MAP4K4: variants seen among roughly 807,000 people sequenced by gnomAD.
MAP4K4 encodes mitogen-activated protein kinase kinase kinase kinase 4.
MAP4K4 carries 38 observed loss-of-function variants against 189.6 expected under a neutral mutation model. The observed-to-expected ratio is 0.20, with a 90% CI of 0.15 to 0.26. The LOEUF (loss-of-function observed/expected upper bound fraction) is 0.26. Ranked by LOEUF, MAP4K4 falls within the 10% of genes least tolerant of loss-of-function variation. MAP4K4 has a pLI of 1.00. For synonymous variants in MAP4K4, 610 were observed against 624.3 expected (o/e 0.98, Z 0.34); for missense variants, 1,054 against 1,726.9 (o/e 0.61, Z 6.91).
chr2:101,776,771 A>T (rs2084400723), intron 2 of MAP4K4, among the ~76,000 whole-genome samples: 1 of 152,074 alleles, frequency 6.6e-6, no homozygotes, highest in Non-Finnish European at 1.5e-5. Context: ...CAACCGTAAG[A>T]GGACACACAG....
rs773922440 is a variant in MAP4K4, at chr2:101,810,620, T to C, written c.181-13308T>C. ...AGATGTCTTCAGTGAAATTTACCAC[T>C]GAAGGATCTTAGCTCTGAATAGCAA... is the stretch of plus-strand genomic sequence containing the variant. On this transcript the variant is annotated intron_variant, in intron 3 of 32. Coordinates refer to ENST00000324219, the Ensembl canonical transcript of MAP4K4. 9.2e-5 allele frequency among the ~76,000 whole-genome samples: 14 copies of C among 152,312 alleles called. No homozygotes were observed. The South Asian group carries it at 1.7e-3, about 18-fold the overall frequency.
rs765964915 is a variant in MAP4K4 at position 101,887,765 on chromosome 2, T to C, written c.3772-13T>C. 2 of 1,599,214 alleles carry C rather than the reference T, an allele frequency of 1.3e-6. No homozygotes were observed. Among genetic ancestry groups the C allele is most frequent in the Non-Finnish European group, 1.7e-6 (2 of 1,172,444 alleles). On this transcript the variant is annotated splice_polypyrimidine_tract_variant and intron_variant, in intron 30 of 32. Coordinates refer to ENST00000324219, the Ensembl canonical transcript of MAP4K4. ...ACAGACGTTCTTCCCTGTACTTTGT[T>C]CCTGTTCTCTAGATCCAGTGTAGCA...
chr2:101,865,376 TG>T (rs1301887578), intron 18 of MAP4K4, among the ~76,000 whole-genome samples: 1 of 152,178 alleles, frequency 6.6e-6, no homozygotes, highest in Non-Finnish European at 1.5e-5. Context: ...GTAAGGCCTG[TG>T]GCATAAAACA....
At chr2:101,745,865 A>G (rs2065247089) in intron 2 of MAP4K4, among the ~76,000 whole-genome samples, 1 of 147,912 alleles carries the variant, frequency 6.8e-6, no homozygotes. Context: ...CCTTTGAGTG[A>G]GTCTGCTACT....
chr2:101,887,423 T>TG (rs1337596528), intron 30 of MAP4K4, among the ~76,000 whole-genome samples, 186 bp downstream of exon 30: 1 of 152,228 alleles, frequency 6.6e-6, no homozygotes, highest in Non-Finnish European at 1.5e-5. Context: ...TCCGCCTTCC[T>TG]GGCTCTGTGG....
At chr2:101,871,760 A>T in intron 24 of MAP4K4, 75 bp downstream of exon 24, 1 of 1,334,754 alleles carries the variant, frequency 7.5e-7, no homozygotes, top group Non-Finnish European at 1.0e-6. Flanking sequence ...TGCAAAGGAG[A>T]CCTTTCCAAC....
intron 3 of MAP4K4, among the ~76,000 whole-genome samples, chr2:101,802,931 G>A (rs2094505431): frequency 1.3e-5 from 2 of 152,004 alleles, no homozygotes; most frequent in South Asian, 2.1e-4. Flanking sequence ...GATTACAGGC[G>A]TCTGCCACCA....
chr2:101,832,678 C>T (rs1052074851), intron 7 of MAP4K4, among the ~76,000 whole-genome samples: 2 of 152,088 alleles, frequency 1.3e-5, no homozygotes, highest in African/African-American at 4.8e-5. Flanking sequence ...AATTATTATA[C>T]CTAAGTAAAT....
exon 19 of MAP4K4, chr2:101,866,473 G>T (rs759387518): frequency 1.9e-6 from 3 of 1,613,750 alleles, no homozygotes; most frequent in African/African-American, 1.3e-5. Flanking sequence ...AGAAGCTGGT[G>T]CCCAGACCTG....
intron 3 of MAP4K4, among the ~76,000 whole-genome samples, chr2:101,818,553 G>C (rs2095853450): frequency 6.6e-6 from 1 of 152,006 alleles, no homozygotes; most frequent in Non-Finnish European, 1.5e-5. Flanking sequence ...TGATGGAATG[G>C]GAAAAAATTT....
intron 2 of MAP4K4, 77 bp downstream of exon 2, chr2:101,698,615 A>G (rs1159098756): frequency 3.5e-6 from 5 of 1,419,658 alleles, no homozygotes; most frequent in Non-Finnish European, 5.0e-6. Context: ...GGTGATAAAC[A>G]TGCTGCTGAC....
chr2:101,891,222 A>G (rs2098563319), exon 33 of MAP4K4: 1 of 1,613,610 alleles, frequency 6.2e-7, no homozygotes, highest in Non-Finnish European at 8.5e-7. Flanking sequence ...TCATGACCTT[A>G]GGCAGGACTT....
chr2:101,822,600 A>G (rs889818152), intron 3 of MAP4K4, among the ~76,000 whole-genome samples: 2 of 152,222 alleles, frequency 1.3e-5, no homozygotes, highest in African/African-American at 2.4e-5. Context: ...ATTTTAAAGT[A>G]TAATATTTGC....
At chr2:101,848,577 C>T (rs1186131713) in intron 12 of MAP4K4, among the ~76,000 whole-genome samples, 3 of 152,216 alleles carry the variant, frequency 2.0e-5, no homozygotes, top group Non-Finnish European at 4.4e-5. Flanking sequence ...TGGGCAAACA[C>T]AGTGCAGATG....
intron 17 of MAP4K4, 84 bp from the exon 18 acceptor site, chr2:101,864,846 C>A (rs2097769478): frequency 2.2e-6 from 2 of 901,024 alleles, no homozygotes; most frequent in South Asian, 1.6e-5. Context: ...ATTAGGACTG[C>A]TTTAAAAATA....
At chr2:101,792,932 C>T (rs2093170656) in intron 3 of MAP4K4, among the ~76,000 whole-genome samples, 1 of 152,204 alleles carries the variant, frequency 6.6e-6, no homozygotes, top group African/African-American at 2.4e-5. Flanking sequence ...CCGCGTCTGG[C>T]CCTCTGCTAC....
chr2:101,879,745 A>T (rs765864825), intron 27 of MAP4K4, among the ~76,000 whole-genome samples: 8 of 151,964 alleles, frequency 5.3e-5, no homozygotes, highest in Middle Eastern at 3.4e-3. Context: ...CACTGTCCAG[A>T]CTTTGAACAT....
chr2:101,709,499 G>A (rs1157547335), intron 2 of MAP4K4, among the ~76,000 whole-genome samples: 2 of 152,156 alleles, frequency 1.3e-5, no homozygotes, highest in East Asian at 3.9e-4. Context: ...CACTGTGCCT[G>A]GCTTTAAGTC....
intron 9 of MAP4K4, among the ~76,000 whole-genome samples, chr2:101,839,265 A>G (rs72991221): frequency 1.2e-3 from 176 of 152,364 alleles, no homozygotes; most frequent in African/African-American, 4.0e-3. Flanking sequence ...CCATCCCTCC[A>G]AAAGAACCAA....
Sources: gnomAD v4.1 joint callset for allele counts (sites outside exome capture counted in the v4.1 genomes callset) on GRCh38, gnomAD v4.1.1 for gene constraint, MANE v1.5 for transcripts, NCBI Gene and HGNC (gene_info 2026-07-23, HGNC 2026-07-21) for gene names.